SV2A: variants seen among roughly 807,000 people sequenced by gnomAD.
The protein encoded by SV2A is solute carrier family 22 member B1.
In SV2A, 25 loss-of-function variants were observed where a neutral mutation model predicts 78.0. The ratio of observed to expected loss-of-function variants is 0.32; its 90% confidence interval spans 0.23 to 0.45. The LOEUF (loss-of-function observed/expected upper bound fraction) is 0.45, where lower values mean the gene tolerates loss of function less well. Among genes scored for constraint, SV2A ranks in the 20% least tolerant of loss-of-function variants. The pLI, the probability that SV2A is intolerant of heterozygous loss-of-function variation, is 1.00. For missense variants in SV2A, 752 were observed against 971.5 expected (o/e 0.77, Z 3.00); for synonymous variants, 355 against 384.7 (o/e 0.92, Z 0.90).
intron 11 of SV2A, 148 bp downstream of exon 11, chr1:149,906,502 C>A: frequency 1.2e-6 from 1 of 840,678 alleles, no homozygotes; most frequent in South Asian, 1.8e-5. Flanking sequence ...CCAGTCCCCA[C>A]CCCATCCTGC....
At chr1:149,905,723 A>G (rs958975959) in intron 12 of SV2A, 157 bp downstream of exon 12, 18 of 1,017,790 alleles carry the variant, frequency 1.8e-5, no homozygotes, top group Admixed American at 1.3e-4. Flanking sequence ...GATTACAGGC[A>G]TGAGTCACCG....
intron 8 of SV2A, among the ~76,000 whole-genome samples, chr1:149,908,569 C>T (rs1553763147): frequency 6.6e-6 from 1 of 152,076 alleles, no homozygotes; most frequent in African/African-American, 2.4e-5. Flanking sequence ...CCAGCCCAAG[C>T]CCCAAGTGCT....
chr1:149,914,070 A>T lies in SV2A; in HGVS notation c.-230T>A. ...ACCTATACCCAGTTCAGTTGGGTGG[A>T]TGGGGAAGGGACAGGGGGAGCAGGG... On this transcript the variant is annotated 5_prime_UTR_variant, in exon 2 of 13. Transcript: ENST00000369146. The T allele has an allele frequency of 4.8e-5, 22 of 456,548 alleles. No homozygotes were observed. The highest frequency in any genetic ancestry group is 1.2e-4 in the East Asian group (3 of 25,722). The allele number at this position is 456,548 out of a possible 1,614,324, so 28.3% of individuals were successfully genotyped here.
At chr1:149,906,146 G>T in intron 11 of SV2A, 107 bp from the exon 12 acceptor site, 1 of 1,357,242 alleles carries the variant, frequency 7.4e-7, no homozygotes, top group Non-Finnish European at 1.0e-6. Context: ...GATGAGACTT[G>T]TTCCGAAGGT....
At chr1:149,906,988 T>G in intron 10 of SV2A, 132 bp from the exon 11 acceptor site, 2 of 1,486,514 alleles carry the variant, frequency 1.3e-6, no homozygotes, top group Non-Finnish European at 1.8e-6. Flanking sequence ...ACAGTGCTAA[T>G]CACAAAACAT....
Position 149,913,845 on chromosome 1 carries a change from G to A in SV2A, c.-5C>T. 8 of 1,595,972 alleles carry A rather than the reference G, an allele frequency of 5.0e-6. No individual in the cohort carries two copies. Among genetic ancestry groups the A allele is most frequent in the Non-Finnish European group, 6.8e-6 (8 of 1,169,108 alleles). ...GTCTCGGAAGCCCTCTTCCATGATG[G>A]GGCTTGGGGCACTTCACTGGGTCTT... On this transcript the variant is annotated 5_prime_UTR_variant, in exon 2 of 13. Transcript: ENST00000369146.
In SV2A at chr1:149,906,035, G is replaced by A. The variant is rs782554405; in HGVS notation, c.1890C>T (p.Gly630=). 328 of 1,613,976 alleles carry A rather than the reference G, an allele frequency of 2.0e-4. No individual in the cohort carries two copies. The highest frequency in any genetic ancestry group is 2.7e-4 in the Non-Finnish European group (314 of 1,180,036). The part of the protein sequence containing the change: ...DKIGRLRMLA[G]SSVMSCVSCF... The stretch of plus-strand genomic sequence containing the variant: ...AGGAGACACAGGACATCACGCTGGA[G>A]CCAGCTGGAGCCAGGAGAGGAGAGA... The change falls in exon 12 of 13, where the codon GGC becomes GGT. Residue 630 remains glycine (G), a synonymous_variant. Transcript: ENST00000369146.
rs1299316211 is a variant in SV2A, at chr1:149,909,447, C to T, written c.1290+14G>A. 1 of 1,608,422 alleles carries T rather than the reference C, an allele frequency of 6.2e-7. No homozygotes were observed. The highest frequency in any genetic ancestry group is 8.5e-7 in the Non-Finnish European group (1 of 1,175,018). On this transcript the variant is annotated intron_variant, in intron 7 of 12. Coordinates refer to ENST00000369146, the MANE Select transcript of SV2A (RefSeq NM_014849.5). ...CCCCCACTCCCTTCTATCTACCACC[C>T]CGTCCACCATTACCTGCCCCCCTAG...
chr1:149,911,632 G>A (rs587634546), intron 3 of SV2A, among the ~76,000 whole-genome samples, 168 bp downstream of exon 3: 1 of 152,308 alleles, frequency 6.6e-6, no homozygotes, highest in African/African-American at 2.4e-5. Flanking sequence ...CCTGGGCAGG[G>A]AGGAGCTGGC....
At position 149,904,671 on chromosome 1, in the gene SV2A, G is replaced by C. The variant is rs1434672439; in HGVS notation, c.*343C>G. The C allele has an allele frequency of 4.3e-6, 1 of 232,712 alleles. No individual in the cohort carries two copies. The highest frequency in any genetic ancestry group is 2.3e-5 in the African/African-American group (1 of 44,246). The allele number at this position is 232,712 out of a possible 1,614,324, so 14.4% of individuals were successfully genotyped here. A position where few individuals can be genotyped will look rare whatever the true frequency, so the allele number is the denominator to read the frequency against. ...AGGGCCTAGGCAGAGGGAATGATGG[G>C]GAAGGCAGGAAGCCTATTCTGGAAC... On this transcript the variant is annotated 3_prime_UTR_variant, in exon 13 of 13. Transcript: ENST00000369146.
At chr1:149,909,344 C>A in intron 7 of SV2A, 64 bp from the exon 8 acceptor site, 1 of 1,582,090 alleles carries the variant, frequency 6.3e-7, no homozygotes. Flanking sequence ...TAGATCCCCA[C>A]TTTTCTGCCC....
At position 149,909,852 on chromosome 1, in the gene SV2A, C is replaced by G; in HGVS notation, c.1128G>C (p.Gln376His). 13 of 1,614,098 alleles carry G rather than the reference C, an allele frequency of 8.1e-6. No individual in the cohort carries two copies. The highest frequency in any genetic ancestry group is 1.1e-5 in the Non-Finnish European group (13 of 1,180,024). ...KHDEAWMVLK[Q>H]VHDTNMRAKG... ...TGGCTCGCATGTTGGTATCATGGAC[C>G]TGCTTCAGCACCATCCAGGCCTCAT... The change falls in exon 6 of 13, where the codon CAG becomes CAC. Residue 376 changes from glutamine (Q) to histidine (H), a missense_variant. Physicochemically the swap from Gln to His is conservative, Grantham distance 24. Around this residue, in one of 7 missense-constraint regions of SV2A, gnomAD observed 136 missense variants for 132.3 expected, o/e 1.03. Coordinates refer to ENST00000369146, the MANE Select transcript of SV2A (RefSeq NM_014849.5).
intron 8 of SV2A, among the ~76,000 whole-genome samples, chr1:149,908,453 C>A (rs1571499834): frequency 6.6e-6 from 1 of 152,154 alleles, no homozygotes; most frequent in African/African-American, 2.4e-5. Context: ...TTTCTTACCT[C>A]CCAAGCATTT....
chr1:149,908,983 C>A (rs1180723886), intron 8 of SV2A, among the ~76,000 whole-genome samples: 7 of 152,148 alleles, frequency 4.6e-5, no homozygotes, highest in African/African-American at 1.4e-4. Context: ...TTCATCCCAG[C>A]ACAGAATAGA....
At chr1:149,912,263 C>T (rs1294919577) in intron 2 of SV2A, among the ~76,000 whole-genome samples, 2 of 152,158 alleles carry the variant, frequency 1.3e-5, no homozygotes, top group African/African-American at 4.8e-5. Context: ...CACAGTGACA[C>T]CTTTACCCCT....
rs782616740 is a variant in SV2A, at chr1:149,909,546, T to C, written c.1205A>G (p.Gln402Arg). Reference protein sequence around the residue: ...FSVTHIKTIHQEDELIEIQSD... With the variant: ...FSVTHIKTIHREDELIEIQSD... ...CTGGATCTCAATCAATTCATCCTCC[T>C]GATGAATCGTCTTAATGTGGGTTAC... The change falls in exon 7 of 13, where the codon CAG becomes CGG. Residue 402 changes from glutamine (Q) to arginine (R), a missense_variant. Around this residue, in one of 7 missense-constraint regions of SV2A, gnomAD observed 136 missense variants for 132.3 expected, o/e 1.03. Coordinates refer to ENST00000369146, the MANE Select transcript of SV2A (RefSeq NM_014849.5). 1 of 1,614,060 alleles carries C rather than the reference T, an allele frequency of 6.2e-7. No homozygotes were observed. Among genetic ancestry groups the C allele is most frequent in the South Asian group, 1.1e-5 (1 of 91,072 alleles).
In SV2A at chr1:149,906,855, G is replaced by C; in HGVS notation, c.1680C>G (p.Asp560Glu). The C allele has an allele frequency of 6.2e-7, 1 of 1,614,164 alleles. No homozygotes were observed. The highest frequency in any genetic ancestry group is 8.5e-7 in the Non-Finnish European group (1 of 1,180,008). The stretch of plus-strand genomic sequence containing the variant: ...TGTTCACAAACTTGTACTCGAACAG[G>C]TCTGTGGGCAAAGGCCAAGATAAGC... Reference protein sequence around the residue: ...TFINTVFYNTDLFEYKFVNSR... With the variant: ...TFINTVFYNTELFEYKFVNSR... Residue 560 changes from aspartate (D) to glutamate (E), a missense_variant and splice_region_variant, in exon 11 of 13, where the codon GAC becomes GAG. Physicochemically the swap from Asp to Glu is conservative, Grantham distance 45 (BLOSUM62 2). This residue lies in a region of SV2A where 186 missense variants were observed against 274.6 expected (regional missense o/e 0.68). Coordinates refer to ENST00000369146, the MANE Select transcript of SV2A (RefSeq NM_014849.5).
chr1:149,910,968 C>T lies in SV2A; in HGVS notation c.813G>A (p.Gly271=), dbSNP rs782765215. 1.2e-6 allele frequency: 2 copies of T among 1,613,688 alleles called. No individual in the cohort carries two copies. The highest frequency in any genetic ancestry group is 1.7e-6 in the Non-Finnish European group (2 of 1,179,860). The change falls in exon 4 of 13, where the codon GGG becomes GGA. Residue 271 remains glycine, a synonymous_variant. Coordinates refer to ENST00000369146, the MANE Select transcript of SV2A (RefSeq NM_014849.5). The surrounding 1 kb of genome is among the most constrained non-coding windows in gnomAD (Gnocchi z 4.2). The stretch of plus-strand genomic sequence containing the variant: ...AATAGGAGAAGACAATGGGGATGGA[C>T]CCTCCAATCCTGAAGTGCATTTCAA... ...CRLLSGVGIG[G]SIPIVFSYFS...
chr1:149,914,078 G>A lies in SV2A; in HGVS notation c.-238C>T. The A allele has an allele frequency of 2.1e-6, 1 of 481,600 alleles. No individual in the cohort carries two copies. The highest frequency in any genetic ancestry group is 3.5e-6 in the Non-Finnish European group (1 of 283,502). 29.8% of individuals were successfully genotyped at this position (481,600 alleles called of 1,614,324 possible). On this transcript the variant is annotated 5_prime_UTR_variant, in exon 2 of 13. Transcript: ENST00000369146. ...CCAGTTCAGTTGGGTGGATGGGGAA[G>A]GGACAGGGGGAGCAGGGGAATGGGA...
Sources: gnomAD v4.1 joint callset for allele counts (sites outside exome capture counted in the v4.1 genomes callset) on GRCh38, gnomAD v4.1.1 for gene constraint, gnomAD v4.1.1 regional missense constraint, Gnocchi (gnomAD v3.1) non-coding constraint, MANE v1.5 for transcripts, NCBI Gene and HGNC (gene_info 2026-07-23, HGNC 2026-07-21) for gene names.